Variants in MALRD1 observed in about 807,000 individuals in gnomAD.
The protein encoded by MALRD1 is MAM and LDL receptor class A domain containing 1, also known as MAM and LDL-receptor class A domain-containing protein 1.
Under a neutral mutation model 242.1 loss-of-function variants are expected in MALRD1, and 247 were observed. That is an observed-to-expected ratio of 1.02 (90% CI 0.92 to 1.13). The LOEUF (loss-of-function observed/expected upper bound fraction) is 1.13. Among genes scored for constraint, MALRD1 ranks in the 50% most tolerant of loss-of-function variants. MALRD1 has a pLI of 0.00. For synonymous variants in MALRD1, 995 were observed against 866.6 expected, an observed-to-expected ratio of 1.15 and a Z score of -2.60; for missense variants, 2,989 against 2,533.1, an observed-to-expected ratio of 1.18 and a Z score of -3.86.
intron 2 of MALRD1, among the ~76,000 whole-genome samples, chr10:19,074,068 T>C (rs905225155): frequency 1.2e-4 from 18 of 152,060 alleles, no homozygotes; most frequent in African/African-American, 4.3e-4. Flanking sequence ...TGACTAGAAA[T>C]GACTGGAAAC....
At chr10:19,660,954 C>A (rs958364715) in intron 36 of MALRD1, among the ~76,000 whole-genome samples, 4 of 152,072 alleles carry the variant, frequency 2.6e-5, no homozygotes, top group Admixed American at 6.6e-5. Flanking sequence ...TTGTAACAAC[C>A]CCATCAAAAA....
intron 24 of MALRD1, among the ~76,000 whole-genome samples, chr10:19,331,972 T>A (rs12773290): frequency 0.07 from 10,654 of 152,104 alleles, 512 homozygotes; most frequent in Middle Eastern, 0.1. Flanking sequence ...TTCAAGTGAT[T>A]GTCCTGCCTC....
intron 33 of MALRD1, among the ~76,000 whole-genome samples, chr10:19,579,324 C>T (rs1215073784): frequency 6.6e-6 from 1 of 152,182 alleles, no homozygotes; most frequent in Non-Finnish European, 1.5e-5. Flanking sequence ...TTTGACCTTT[C>T]TAAGACAGAT....
chr10:19,476,791 A>G, intron 29 of MALRD1, among the ~76,000 whole-genome samples: 1 of 152,286 alleles, frequency 6.6e-6, no homozygotes, highest in Non-Finnish European at 1.5e-5. Context: ...TTTTTTATTC[A>G]TATGACATGT....
intron 28 of MALRD1, among the ~76,000 whole-genome samples, chr10:19,426,627 C>T (rs1206015850): frequency 1.3e-5 from 2 of 152,024 alleles, no homozygotes; most frequent in African/African-American, 4.8e-5. Context: ...CATGGTAAAA[C>T]CCTGTCTCTA....
chr10:19,569,794 A>G (rs1035521246), intron 33 of MALRD1, among the ~76,000 whole-genome samples: 32 of 147,000 alleles, frequency 2.2e-4, no homozygotes, highest in African/African-American at 7.1e-4. Context: ...ATACTGGAAT[A>G]TATATTTATA....
intron 36 of MALRD1, among the ~76,000 whole-genome samples, chr10:19,637,645 C>T (rs1840199246): frequency 6.6e-6 from 1 of 152,064 alleles, no homozygotes; most frequent in Non-Finnish European, 1.5e-5. Context: ...AAAGAAATGC[C>T]TTAGCCAACA....
chr10:19,147,058 T>C (rs1361064385), intron 11 of MALRD1, among the ~76,000 whole-genome samples: 1 of 152,160 alleles, frequency 6.6e-6, no homozygotes, highest in African/African-American at 2.4e-5. Flanking sequence ...TGTCTCGCCA[T>C]GTTGCCCAGG....
intron 38 of MALRD1, among the ~76,000 whole-genome samples, chr10:19,697,442 A>G (rs1337691882): frequency 2.0e-5 from 3 of 151,610 alleles, no homozygotes; most frequent in Admixed American, 6.6e-5. Context: ...TCAACTGATT[A>G]TAAAGGTTAA....
intron 38 of MALRD1, chr10:19,722,590 TAAAAAAAAAAAAAAAAA>T (rs372286640): frequency 6.6e-5 from 3 of 45,358 alleles, no homozygotes; most frequent in East Asian, 1.2e-3. Flanking sequence ...ACCATGTCTC[TAAAAAAAAAAAAAAAAA>T]AAAAAAAAAA....
At chr10:19,237,378 G>C (rs1195306076) in intron 18 of MALRD1, among the ~76,000 whole-genome samples, 1 of 149,822 alleles carries the variant, frequency 6.7e-6, no homozygotes, top group African/African-American at 2.4e-5. Flanking sequence ...ATATGAGAGA[G>C]ATCATGCGGT....
At chr10:19,560,444 T>A (rs1835912810) in intron 32 of MALRD1, among the ~76,000 whole-genome samples, 2 of 152,086 alleles carry the variant, frequency 1.3e-5, no homozygotes, top group South Asian at 4.1e-4. Context: ...CTCTCCAGCC[T>A]GGCGACAGAG....
rs548416790 is a variant in MALRD1, at chr10:19,121,775, G to A, written c.695-1717G>A. On this transcript the variant is annotated intron_variant, in intron 5 of 39. Transcript: ENST00000454679. ...ACAGCTGGCCAGTGAGATTGATGAT[G>A]GGACTTGTAAAGTTTTCTTCTGATT... Among the ~76,000 whole-genome samples, 16 of 152,250 alleles carry A rather than the reference G, an allele frequency of 1.1e-4. 1 individual carries two copies. The East Asian group carries it at 2.9e-3, about 28-fold the overall frequency.
intron 19 of MALRD1, among the ~76,000 whole-genome samples, chr10:19,265,125 C>A (rs1839919325): frequency 2.0e-5 from 3 of 151,886 alleles, no homozygotes; most frequent in African/African-American, 7.2e-5. Context: ...TTTGGGTCTT[C>A]TGTTTTTCTT....
chr10:19,357,632 G>A (rs1844696428), intron 26 of MALRD1, among the ~76,000 whole-genome samples: 2 of 152,076 alleles, frequency 1.3e-5, no homozygotes, highest in African/African-American at 4.8e-5. Flanking sequence ...GTGTATGTGT[G>A]TGTATCTTTA....
chr10:19,233,288 G>A (rs893938703), intron 18 of MALRD1, among the ~76,000 whole-genome samples: 5 of 152,118 alleles, frequency 3.3e-5, no homozygotes, highest in African/African-American at 7.2e-5. Context: ...GATCGCCTGA[G>A]GTCAGGAGTT....
At chr10:19,100,544 T>C (rs1376026938) in intron 4 of MALRD1, among the ~76,000 whole-genome samples, 2 of 150,036 alleles carry the variant, frequency 1.3e-5, no homozygotes, top group Non-Finnish European at 2.9e-5. Flanking sequence ...AGAAAGGAAC[T>C]CTCAAGGTCA....
At chr10:19,566,450 G>T (rs1442363613) in intron 32 of MALRD1, among the ~76,000 whole-genome samples, 1 of 151,514 alleles carries the variant, frequency 6.6e-6, no homozygotes, top group Non-Finnish European at 1.5e-5. Flanking sequence ...TATTTTATAG[G>T]ATAAGTTAAC....
chr10:19,448,124 C>T (rs1166149982), intron 28 of MALRD1, among the ~76,000 whole-genome samples: 1 of 152,142 alleles, frequency 6.6e-6, no homozygotes, highest in Non-Finnish European at 1.5e-5. Flanking sequence ...AGCATTAGTT[C>T]CCTGAAAACA....
Sources: allele counts gnomAD v4.1 joint callset (sites outside exome capture counted in the v4.1 genomes callset), GRCh38; gene constraint gnomAD v4.1.1; transcripts MANE v1.5; gene names NCBI Gene and HGNC (gene_info 2026-07-23, HGNC 2026-07-21).